The following GRK1 variants were observed in gnomAD, a reference collection of about 807,000 sequenced individuals.
GRK1 encodes the protein rhodopsin kinase GRK1.
GRK1 carries 28 observed loss-of-function variants against 41.7 expected under a neutral mutation model. The ratio of observed to expected loss-of-function variants is 0.67; its 90% CI spans 0.50 to 0.92. The LOEUF is 0.92. Ranked by LOEUF, GRK1 falls within the 40% of genes least tolerant of loss-of-function variation. The probability of loss-of-function intolerance (pLI) is 0.00; values close to 1 mark genes in which losing one functional copy is unlikely to be tolerated. For missense variants in GRK1, 703 were observed against 671.2 expected, an observed-to-expected ratio of 1.05 and a Z score of -0.52; for synonymous variants, 327 against 286.7, an observed-to-expected ratio of 1.14 and a Z score of -1.42.
Position 113,669,709 on chromosome 13 carries a change from T to C in GRK1, c.722T>C (p.Ile241Thr), listed in dbSNP as rs116539667. The change falls in exon 2 of 7, where the codon ATT becomes ACT. Residue 241 changes from isoleucine to threonine, a missense_variant. Physicochemically the swap from Ile to Thr is moderately conservative, Grantham distance 89 (BLOSUM62 -1). Coordinates refer to ENST00000335678, the MANE Select transcript of GRK1 (RefSeq NM_002929.3). ...GYQGAMVEKK[I>T]LMKVHSRFIV... Reference sequence around the variant, plus strand: ...CAGGGTGCTATGGTGGAGAAGAAGATTCTGATGAAAGTACACAGCAGGTTC... The same window carrying C: ...CAGGGTGCTATGGTGGAGAAGAAGACTCTGATGAAAGTACACAGCAGGTTC... The C allele has an allele frequency of 1.7e-3, 2,778 of 1,613,966 alleles. 44 individuals carry two copies. The African/African-American group carries it at 0.03, about 17-fold the overall frequency.
At chr13:113,666,211 G>C (rs182677631), upstream of GRK1, among the ~76,000 whole-genome samples, 53 of 149,090 alleles carry the variant, frequency 3.6e-4, 1 homozygote, top group African/African-American at 1.2e-3. Flanking sequence ...GTGTGCCCCC[G>C]CTGTCCCAGG....
At position 113,736,014 on chromosome 13, in the gene GRK1, C is replaced by G. The variant is rs1181511049; in HGVS notation, c.*651C>G. 2 of 152,434 alleles carry G rather than the reference C, an allele frequency of 1.3e-5. No homozygotes were observed. Among genetic ancestry groups the G allele is most frequent in the Admixed American group, 1.3e-4 (2 of 15,296 alleles). 9.4% of individuals were successfully genotyped at this position (152,434 alleles called of 1,614,324 possible). A position where few individuals can be genotyped will look rare whatever the true frequency, so the allele number is the denominator to read the frequency against. ...CACTCCGGGGTGCCATGGTCCACAT[C>G]TGCCAGGCGCAGGCTCTGTTGGGCT... On this transcript the variant is annotated 3_prime_UTR_variant, in exon 7 of 7. Transcript: ENST00000335678.
intron 4 of GRK1, among the ~76,000 whole-genome samples, chr13:113,728,796 A>G (rs1450405941): frequency 2.0e-5 from 3 of 152,150 alleles, no homozygotes; most frequent in East Asian, 3.9e-4. Flanking sequence ...CCTCATCCCT[A>G]TGAAGAAGGA....
upstream of GRK1, among the ~76,000 whole-genome samples, chr13:113,666,211 G>T (rs182677631): frequency 6.7e-6 from 1 of 148,968 alleles, no homozygotes; most frequent in Non-Finnish European, 1.5e-5. Flanking sequence ...GTGTGCCCCC[G>T]CTGTCCCAGG....
intron 4 of GRK1, among the ~76,000 whole-genome samples, chr13:113,723,410 G>T (rs1318409989): frequency 1.3e-5 from 2 of 152,132 alleles, no homozygotes; most frequent in African/African-American, 4.8e-5. Flanking sequence ...GCAGCCTCAG[G>T]AGGTCCTGAT....
chr13:113,734,003 CGT>C (rs753515772), intron 6 of GRK1, among the ~76,000 whole-genome samples: 3 of 113,080 alleles, frequency 2.7e-5, no homozygotes, highest in Non-Finnish European at 5.1e-5. Context: ...CATGTGTGTG[CGT>C]GTGCGTGCAT....
At chr13:113,652,489 G>T in the GRK1 span, among the ~76,000 whole-genome samples, 1 of 152,188 alleles carries the variant, frequency 6.6e-6, no homozygotes, top group Admixed American at 6.5e-5. Context: ...AGGGGCCCCT[G>T]GTCCCAGGTT....
At chr13:113,661,400 A>C in the GRK1 span, among the ~76,000 whole-genome samples, 1 of 151,868 alleles carries the variant, frequency 6.6e-6, no homozygotes, top group South Asian at 2.1e-4. Flanking sequence ...AAAGAGGACA[A>C]GTCTCAAAAA....
the GRK1 span, among the ~76,000 whole-genome samples, chr13:113,654,256 G>C: frequency 2.0e-5 from 3 of 152,234 alleles, no homozygotes; most frequent in South Asian, 6.2e-4. Context: ...CTTCAGCAGG[G>C]TCTGAGGGAA....
At chr13:113,670,246 C>A (rs1384909018) in intron 2 of GRK1, among the ~76,000 whole-genome samples, 2 of 152,176 alleles carry the variant, frequency 1.3e-5, no homozygotes, top group African/African-American at 4.8e-5. Context: ...ATCTTGCTGT[C>A]CCCAGGCAGA....
At chr13:113,733,724 T>C (rs566851884) in intron 6 of GRK1, among the ~76,000 whole-genome samples, 3,480 of 135,480 alleles carry the variant, frequency 0.026, 155 homozygotes, top group African/African-American at 0.08. Context: ...CACGTGTGTG[T>C]GCGCGCGTGT....
intron 6 of GRK1, chr13:113,734,698 C>T (rs1566701007): frequency 5.5e-6 from 1 of 181,520 alleles, no homozygotes; most frequent in East Asian, 1.4e-4. Context: ...CAGGGGAGGC[C>T]CTGGTGGGGA....
At chr13:113,727,018 T>C (rs2049893334) in intron 4 of GRK1, among the ~76,000 whole-genome samples, 1 of 152,216 alleles carries the variant, frequency 6.6e-6, no homozygotes, top group South Asian at 2.1e-4. Flanking sequence ...GCCTGCGGCC[T>C]CTCTGCCTGG....
rs188354349 is a variant in GRK1 at position 113,671,408 on chromosome 13, G to T, written c.828-91G>T. On this transcript the variant is annotated intron_variant, in intron 2 of 6. Coordinates refer to ENST00000335678, the MANE Select transcript of GRK1 (RefSeq NM_002929.3). The surrounding 1 kb of genome is among the most constrained non-coding windows in gnomAD (Gnocchi z 4.1). The stretch of plus-strand genomic sequence containing the variant: ...TCAAAACGACCAGAACGCTGGCCGA[G>T]AGACATGGTTCTGAGGCCCCAGCTC... 1.3e-6 allele frequency: 1 copy of T among 755,210 alleles called. No individual in the cohort carries two copies. The highest frequency in any genetic ancestry group is 2.4e-6 in the Non-Finnish European group (1 of 409,868). 46.8% of individuals were successfully genotyped at this position (755,210 alleles called of 1,614,324 possible). A position where few individuals can be genotyped will look rare whatever the true frequency, so the allele number is the denominator to read the frequency against.
the GRK1 span, among the ~76,000 whole-genome samples, chr13:113,657,331 C>A: frequency 6.6e-6 from 1 of 152,232 alleles, no homozygotes; most frequent in Non-Finnish European, 1.5e-5. Flanking sequence ...GAGGTGGGGG[C>A]GCACAGGTGC....
At chr13:113,655,936 G>C in the GRK1 span, among the ~76,000 whole-genome samples, 1 of 152,246 alleles carries the variant, frequency 6.6e-6, no homozygotes, top group Non-Finnish European at 1.5e-5. Context: ...CCTCTTCTGT[G>C]AGCTGGGACA....
rs758658855 is a variant in GRK1, at chr13:113,733,027, C to T, written c.1338C>T (p.Cys446=). Residue 446 remains cysteine (C), a synonymous_variant, in exon 6 of 7, where the codon TGC becomes TGT. Transcript: ENST00000335678. ...GCCTGGGGTTCAGAGATGAGACCTGCGACAAGCTCCGTGCCCACCCCCTCT... is the reference window on the plus strand; with the variant it reads ...GCCTGGGGTTCAGAGATGAGACCTGTGACAAGCTCCGTGCCCACCCCCTCT... ...EKRLGFRDET[C]DKLRAHPLFK... 1.1e-4 allele frequency: 164 copies of T among 1,536,944 alleles called. 1 individual carries two copies. In the East Asian group the frequency reaches 3.5e-3, roughly 33 times the overall value.
chr13:113,648,855 C>T, the GRK1 span: 4 of 152,136 alleles, frequency 2.6e-5, no homozygotes, highest in East Asian at 1.9e-4. Context: ...TCAGGAAACA[C>T]GATTTCTTTT....
At chr13:113,665,643 C>G (rs1256013036), upstream of GRK1, among the ~76,000 whole-genome samples, 5 of 145,350 alleles carry the variant, frequency 3.4e-5, no homozygotes, top group African/African-American at 5.2e-5. Flanking sequence ...CCAGCTGTCT[C>G]CAGTGTGTCC....
Sources: allele counts gnomAD v4.1 joint callset (sites outside exome capture counted in the v4.1 genomes callset), GRCh38; gene constraint gnomAD v4.1.1; non-coding constraint Gnocchi (gnomAD v3.1); transcripts MANE v1.5; gene names NCBI Gene and HGNC (gene_info 2026-07-23, HGNC 2026-07-21).